The following LSM3 variants were observed in gnomAD, a reference collection of about 807,000 sequenced individuals.
The protein encoded by LSM3 is U6 snRNA-associated Sm-like protein LSm3.
In LSM3, 14 loss-of-function variants were observed where a neutral mutation model predicts 15.4. The ratio of observed to expected loss-of-function variants is 0.91; its 90% CI spans 0.60 to 1.42. LSM3 has a LOEUF of 1.42. LSM3 is among the 40% of genes most tolerant of loss of function. The pLI is 0.00. For synonymous variants in LSM3, 46 were observed against 45.1 expected (o/e 1.02, Z -0.08); for missense variants, 88 against 127.9 (o/e 0.69, Z 1.50).
intron 1 of LSM3, 119 bp downstream of exon 1, chr3:14,179,000 C>G (rs927161912): frequency 1.2e-5 from 13 of 1,110,558 alleles, no homozygotes; most frequent in Non-Finnish European, 1.7e-5. Context: ...CCTAATCCAC[C>G]CTGTCCTTTC....
intron 3 of LSM3, among the ~76,000 whole-genome samples, chr3:14,197,491 G>C (rs567441045): frequency 6.6e-6 from 1 of 152,326 alleles, no homozygotes; most frequent in South Asian, 2.1e-4. Flanking sequence ...GTAGCACCCA[G>C]AAGTAACACA....
chr3:14,179,005 C>G, intron 1 of LSM3, 124 bp downstream of exon 1: 2 of 1,072,966 alleles, frequency 1.9e-6, no homozygotes, highest in African/African-American at 3.1e-5. Context: ...TCCACCCTGT[C>G]CTTTCCGTAA....
chr3:14,188,735 T>C (rs1697113244), intron 3 of LSM3, among the ~76,000 whole-genome samples: 1 of 150,760 alleles, frequency 6.6e-6, no homozygotes, highest in Non-Finnish European at 1.5e-5. Context: ...ACTGTTTTCC[T>C]GTTGATGGAC....
intron 3 of LSM3, among the ~76,000 whole-genome samples, chr3:14,197,233 TTTCTG>T (rs1390044465): frequency 6.6e-6 from 1 of 152,250 alleles, no homozygotes; most frequent in East Asian, 1.9e-4. Flanking sequence ...TGCCTGAGCT[TTTCTG>T]TTTCTTCTAC....
In LSM3 at chr3:14,186,954, T is replaced by C. The variant is rs1202121284; in HGVS notation, c.228+2922T>C. ...TGGCTTTAATATTCTGCTTTATTCA[T>C]GTAACATCATTAACATAAGAATTTT... On this transcript the variant is annotated intron_variant, in intron 3 of 3. Transcript: ENST00000306024. Among the ~76,000 whole-genome samples, 7 of 152,260 alleles carry C rather than the reference T, an allele frequency of 4.6e-5. No homozygotes were observed. The East Asian group carries it at 1.3e-3, about 29-fold the overall frequency.
At chr3:14,188,967 G>A (rs571779022) in intron 3 of LSM3, among the ~76,000 whole-genome samples, 9 of 152,034 alleles carry the variant, frequency 5.9e-5, no homozygotes, top group East Asian at 1.9e-4. Flanking sequence ...CCCAGCCCCC[G>A]ACAGGCCCTG....
intron 3 of LSM3, among the ~76,000 whole-genome samples, chr3:14,190,427 C>T (rs1462521362): frequency 3.3e-5 from 5 of 152,172 alleles, no homozygotes; most frequent in Non-Finnish European, 7.3e-5. Context: ...TATCCATGAG[C>T]ATGGAATCTT....
rs1455669025 is a variant in LSM3 at position 14,200,792 on chromosome 3, C to T, written c.*2676C>T. 1 of 152,158 alleles carries T rather than the reference C, an allele frequency of 6.6e-6. No individual in the cohort carries two copies. Among genetic ancestry groups the T allele is most frequent in the African/African-American group, 2.4e-5 (1 of 41,416 alleles). 9.4% of individuals were successfully genotyped at this position (152,158 alleles called of 1,614,324 possible). A position where few individuals can be genotyped will look rare whatever the true frequency, so the allele number is the denominator to read the frequency against. ...AGATTTGCCCAAACTAGAGTACTAT[C>T]CCTCTTCACACTAAGAGGCAGAAAG... On this transcript the variant is annotated 3_prime_UTR_variant, in exon 4 of 4. Coordinates refer to ENST00000306024, the MANE Select transcript of LSM3 (RefSeq NM_014463.3).
chr3:14,182,232 G>A lies in LSM3; in HGVS notation c.132+562G>A, dbSNP rs368923398. 2.3e-4 allele frequency among the ~76,000 whole-genome samples: 35 copies of A among 152,082 alleles called. No homozygotes were observed. The South Asian group carries it at 7.1e-3, about 31-fold the overall frequency. The stretch of plus-strand genomic sequence containing the variant: ...ATTTAAAAATTGGGTTACCTTTTCT[G>A]TATGTTTACACATATACACTCATAT... On this transcript the variant is annotated intron_variant, in intron 2 of 3. Coordinates refer to ENST00000306024, the MANE Select transcript of LSM3 (RefSeq NM_014463.3).
In LSM3 at chr3:14,200,259, C is replaced by T. The variant is rs900477360; in HGVS notation, c.*2143C>T. ...AAAAGGTTAACTGCAGAATAGCCAC[C>T]TATGTGTCAGGAAATGGAGGGAGGG... On this transcript the variant is annotated 3_prime_UTR_variant, in exon 4 of 4. Transcript: ENST00000306024. The T allele has an allele frequency of 6.6e-6, 1 of 152,296 alleles. No homozygotes were observed. The allele number at this position is 152,296 out of a possible 1,614,324, so 9.4% of individuals were successfully genotyped here.
At chr3:14,190,478 G>A (rs1697129332) in intron 3 of LSM3, among the ~76,000 whole-genome samples, 2 of 152,084 alleles carry the variant, frequency 1.3e-5, no homozygotes, top group Non-Finnish European at 2.9e-5. Flanking sequence ...CTTGAGCAGT[G>A]GTTTGTAGTT....
intron 3 of LSM3, among the ~76,000 whole-genome samples, chr3:14,192,937 G>C (rs925711281): frequency 3.3e-5 from 5 of 152,168 alleles, no homozygotes; most frequent in Non-Finnish European, 7.3e-5. Context: ...TCCATGTTTA[G>C]TGCTTCTTTC....
At chr3:14,196,701 G>A (rs866557419) in intron 3 of LSM3, among the ~76,000 whole-genome samples, 29 of 152,306 alleles carry the variant, frequency 1.9e-4, no homozygotes, top group African/African-American at 5.3e-4. Context: ...TTAATTGTGC[G>A]TCCTACATCT....
At chr3:14,180,116 G>T (rs1371554321) in intron 1 of LSM3, among the ~76,000 whole-genome samples, 1 of 152,138 alleles carries the variant, frequency 6.6e-6, no homozygotes, top group Non-Finnish European at 1.5e-5. Flanking sequence ...CTGGCCTTGT[G>T]TACTTACTGA....
chr3:14,187,162 C>T (rs1017712221), intron 3 of LSM3, among the ~76,000 whole-genome samples: 1 of 152,188 alleles, frequency 6.6e-6, no homozygotes, highest in African/African-American at 2.4e-5. Flanking sequence ...GCTCCAAGTG[C>T]GGTTCCTCCT....
chr3:14,198,151 C>CT lies in LSM3; in HGVS notation c.*38dup, dbSNP rs1351035164. 1 of 1,487,298 alleles carries CT rather than the reference C, an allele frequency of 6.7e-7. No homozygotes were observed. The highest frequency in any genetic ancestry group is 9.4e-7 in the Non-Finnish European group (1 of 1,066,148). The allele number at this position is 1,487,298 out of a possible 1,614,324, so 92.1% of individuals were successfully genotyped here. On this transcript the variant is annotated 3_prime_UTR_variant, in exon 4 of 4. Coordinates refer to ENST00000306024, the MANE Select transcript of LSM3 (RefSeq NM_014463.3). ...TTTGTCCTGTATGGAAAACGGGAGACTTTGTACAGTGGCCTCTCTAAAAGT... is the reference window on the plus strand; with the variant it reads ...TTTGTCCTGTATGGAAAACGGGAGACTTTTGTACAGTGGCCTCTCTAAAAGT...
rs1048421823 is a variant in LSM3, at chr3:14,198,444, G to A, written c.*328G>A. 6.7e-6 allele frequency: 2 copies of A among 296,856 alleles called. No homozygotes were observed. The highest frequency in any genetic ancestry group is 1.0e-4 in the South Asian group (2 of 19,154). The allele number at this position is 296,856 out of a possible 1,614,324, so 18.4% of individuals were successfully genotyped here. On this transcript the variant is annotated 3_prime_UTR_variant, in exon 4 of 4. Coordinates refer to ENST00000306024, the MANE Select transcript of LSM3 (RefSeq NM_014463.3). ...TTTCCTTGTAGATTTTTTTAAGTGC[G>A]GTCTTCTGTCTTGTGAATTATTTAA... is the stretch of plus-strand genomic sequence containing the variant.
chr3:14,183,277 C>A (rs9829926), intron 2 of LSM3, among the ~76,000 whole-genome samples: 11,446 of 152,232 alleles, frequency 0.075, 479 homozygotes, highest in South Asian at 0.11. Context: ...AACTTGAGTT[C>A]TGAACAAGGT....
intron 3 of LSM3, among the ~76,000 whole-genome samples, chr3:14,190,266 T>G (rs1330799074): frequency 6.6e-6 from 1 of 152,230 alleles, no homozygotes; most frequent in East Asian, 1.9e-4. Context: ...CAGGATTGCC[T>G]TGGCTATGCA....
Sources: allele counts gnomAD v4.1 joint callset (sites outside exome capture counted in the v4.1 genomes callset), GRCh38; gene constraint gnomAD v4.1.1; transcripts MANE v1.5; gene names NCBI Gene and HGNC (gene_info 2026-07-23, HGNC 2026-07-21).